The following ENPEP variants were observed in gnomAD, a reference collection of about 807,000 sequenced individuals.
ENPEP encodes the protein glutamyl aminopeptidase.
ENPEP carries 103 observed loss-of-function variants against 114.5 expected under a neutral mutation model. The observed-to-expected ratio is 0.90, with a 90% confidence interval of 0.77 to 1.06. The LOEUF (loss-of-function observed/expected upper bound fraction) is 1.06. Ranked by LOEUF, ENPEP falls within the 50% of genes least tolerant of loss-of-function variation. ENPEP has a pLI of 0.00. For synonymous variants in ENPEP, 420 were observed against 422.0 expected (o/e 1.00, Z 0.06); for missense variants, 1,196 against 1,161.3 (o/e 1.03, Z -0.43).
intron 18 of ENPEP, among the ~76,000 whole-genome samples, chr4:110,553,820 T>G (rs965288110): frequency 6.6e-6 from 1 of 152,004 alleles, no homozygotes; most frequent in Non-Finnish European, 1.5e-5. Flanking sequence ...TAGGTAAAAA[T>G]TATTGGACCT....
chr4:110,486,709 C>T (rs967385667), intron 1 of ENPEP, among the ~76,000 whole-genome samples: 1 of 152,148 alleles, frequency 6.6e-6, no homozygotes, highest in African/African-American at 2.4e-5. Flanking sequence ...GTCTAACACT[C>T]TGTAAGCAGT....
At chr4:110,490,277 A>G (rs1724656429) in intron 2 of ENPEP, among the ~76,000 whole-genome samples, 1 of 152,202 alleles carries the variant, frequency 6.6e-6, no homozygotes, top group Non-Finnish European at 1.5e-5. Context: ...CCACGATTAT[A>G]CAAGGGCATG....
intron 1 of ENPEP, among the ~76,000 whole-genome samples, chr4:110,487,086 C>T (rs1401303985): frequency 5.3e-5 from 8 of 152,234 alleles, no homozygotes; most frequent in South Asian, 2.1e-4. Context: ...CCATCAAGTA[C>T]GGAGTCTGCA....
intron 4 of ENPEP, among the ~76,000 whole-genome samples, chr4:110,507,525 C>A (rs1362740430): frequency 1.3e-5 from 2 of 152,208 alleles, no homozygotes; most frequent in Admixed American, 1.3e-4. Context: ...CTTATCAATG[C>A]ACACAAGGGG....
intron 13 of ENPEP, 151 bp from the exon 14 acceptor site, chr4:110,548,024 TA>T: frequency 1.1e-6 from 1 of 900,538 alleles, no homozygotes; most frequent in Non-Finnish European, 1.5e-6. Flanking sequence ...CTTCAACCAA[TA>T]AATGCAATTT....
At chr4:110,500,237 G>C (rs1032556988) in intron 3 of ENPEP, 1 of 152,064 alleles carries the variant, frequency 6.6e-6, no homozygotes, top group Non-Finnish European at 1.5e-5. Context: ...TGAATGAAAG[G>C]GATAACATTA....
intron 4 of ENPEP, 131 bp downstream of exon 4, chr4:110,506,888 A>G: frequency 1.1e-6 from 1 of 880,930 alleles, no homozygotes; most frequent in Non-Finnish European, 1.7e-6. Context: ...TGCCGACAAT[A>G]TCTTGGGCTC....
chr4:110,477,801 T>C (rs1228874017), intron 1 of ENPEP, among the ~76,000 whole-genome samples: 1 of 152,224 alleles, frequency 6.6e-6, no homozygotes, highest in Non-Finnish European at 1.5e-5. Flanking sequence ...GTTAAATACA[T>C]ACAAATATTT....
Position 110,561,765 on chromosome 4 carries a change from G to A in ENPEP, c.*207G>A. ...CTAATAGAGTACTTAATATACTCAG[G>A]GATTCCTTCTAAGTGTACTTCATAA... On this transcript the variant is annotated 3_prime_UTR_variant, in exon 20 of 20. Coordinates refer to ENST00000265162, the MANE Select transcript of ENPEP (RefSeq NM_001977.4). 2.3e-6 allele frequency: 1 copy of A among 438,998 alleles called. No homozygotes were observed. Among genetic ancestry groups the A allele is most frequent in the African/African-American group, 2.0e-5 (1 of 49,404 alleles). 27.2% of individuals were successfully genotyped at this position (438,998 alleles called of 1,614,324 possible). A position where few individuals can be genotyped will look rare whatever the true frequency, so the allele number is the denominator to read the frequency against.
intron 6 of ENPEP, among the ~76,000 whole-genome samples, chr4:110,512,034 G>C (rs747265749): frequency 2.6e-5 from 4 of 151,710 alleles, no homozygotes; most frequent in Non-Finnish European, 5.9e-5. Context: ...AAAATGCTGG[G>C]ATTACAGGCG....
At chr4:110,519,892 A>G (rs1219324107) in intron 8 of ENPEP, 116 bp from the exon 9 acceptor site, 3 of 768,716 alleles carry the variant, frequency 3.9e-6, no homozygotes, top group Non-Finnish European at 6.6e-6. Flanking sequence ...CATGTTATCT[A>G]TGGCTGGTTT....
At chr4:110,535,908 G>C (rs1186217492) in intron 11 of ENPEP, among the ~76,000 whole-genome samples, 3 of 152,114 alleles carry the variant, frequency 2.0e-5, no homozygotes, top group Non-Finnish European at 4.4e-5. Context: ...ACTGGCTGAA[G>C]GCTCAGATGA....
At chr4:110,480,245 C>A (rs1028711100) in intron 1 of ENPEP, among the ~76,000 whole-genome samples, 1 of 152,204 alleles carries the variant, frequency 6.6e-6, no homozygotes, top group African/African-American at 2.4e-5. Context: ...AGCTCAATAA[C>A]CTCATTTAGG....
At position 110,476,675 on chromosome 4, in the gene ENPEP, G is replaced by A. The variant is rs1211895445; in HGVS notation, c.261G>A (p.Gln87=). The A allele has an allele frequency of 1.2e-6, 2 of 1,613,770 alleles. No homozygotes were observed. Among genetic ancestry groups the A allele is most frequent in the East Asian group, 4.5e-5 (2 of 44,884 alleles). The change falls in exon 1 of 20, where the codon CAG becomes CAA. Residue 87 remains glutamine, a synonymous_variant. Coordinates refer to ENST00000265162, the MANE Select transcript of ENPEP (RefSeq NM_001977.4). Reference sequence around the variant, plus strand: ...CGGCCAGTGAGGATGAGAGCGGACAGTGGAAAAACTTTCGACTGCCGGACT... The same window carrying A: ...CGGCCAGTGAGGATGAGAGCGGACAATGGAAAAACTTTCGACTGCCGGACT... ...ICPASEDESG[Q]WKNFRLPDFV...
At chr4:110,485,195 T>G (rs1007877194) in intron 1 of ENPEP, among the ~76,000 whole-genome samples, 1 of 152,238 alleles carries the variant, frequency 6.6e-6, no homozygotes, top group African/African-American at 2.4e-5. Flanking sequence ...ATCTGCAAGA[T>G]GTTTAGAAAC....
Position 110,549,748 on chromosome 4 carries a change from G to T in ENPEP, c.2363G>T (p.Arg788Leu), listed in dbSNP as rs138109608. 569 of 1,613,230 alleles carry T rather than the reference G, an allele frequency of 3.5e-4. No individual in the cohort carries two copies. Among genetic ancestry groups the T allele is most frequent in the Non-Finnish European group, 4.6e-4 (546 of 1,179,540 alleles). The change falls in exon 17 of 20, where the codon CGG (arginine) becomes CTG (leucine). Residue 788 changes from arginine to leucine, a missense_variant. By Grantham distance (102) the Arg-to-Leu change is moderately radical. Transcript: ENST00000265162. ...LPVNLRLLVY[R>L]YGMQNSGNEI... Reference sequence around the variant, plus strand: ...GTAAATCTCAGGCTTCTGGTGTATCGGTATGGGATGCAGAACTCTGGCAAT... The same window carrying T: ...GTAAATCTCAGGCTTCTGGTGTATCTGTATGGGATGCAGAACTCTGGCAAT...
chr4:110,480,585 A>G (rs1348980957), intron 1 of ENPEP, among the ~76,000 whole-genome samples: 1 of 152,258 alleles, frequency 6.6e-6, no homozygotes, highest in African/African-American at 2.4e-5. Flanking sequence ...AGTTAGGGAT[A>G]TTAATGTGAC....
intron 1 of ENPEP, 61 bp downstream of exon 1, chr4:110,477,119 C>A: frequency 6.5e-7 from 1 of 1,542,132 alleles, no homozygotes; most frequent in South Asian, 1.2e-5. Flanking sequence ...CATTTCTTTT[C>A]CTTTCCTTTT....
intron 1 of ENPEP, among the ~76,000 whole-genome samples, chr4:110,485,063 T>C (rs1388531090): frequency 6.6e-6 from 1 of 152,140 alleles, no homozygotes; most frequent in Non-Finnish European, 1.5e-5. Context: ...GTCAGAAGAA[T>C]TCAGAAGGAA....
Sources: gnomAD v4.1 joint callset for allele counts (sites outside exome capture counted in the v4.1 genomes callset) on GRCh38, gnomAD v4.1.1 for gene constraint, MANE v1.5 for transcripts, NCBI Gene and HGNC (gene_info 2026-07-23, HGNC 2026-07-21) for gene names.